The following ADGB variants were observed in gnomAD, a reference collection of about 807,000 sequenced individuals.
The protein encoded by ADGB is calpain-7-like protein.
A neutral mutation model predicts 210.5 loss-of-function variants in ADGB; 172 were observed. The observed-to-expected ratio is 0.82, with a 90% CI of 0.72 to 0.93. The LOEUF (loss-of-function observed/expected upper bound fraction) is 0.93. Ranked by LOEUF, ADGB falls within the 40% of genes least tolerant of loss-of-function variation. The pLI is 0.00. For synonymous variants in ADGB, 658 were observed against 662.7 expected (o/e 0.99, Z 0.11); for missense variants, 2,025 against 1,964.8 (o/e 1.03, Z -0.58).
chr6:146,651,697 T>A lies in ADGB; in HGVS notation c.331-2438T>A, dbSNP rs553699482. Reference sequence around the variant, plus strand: ...TCATAACTCCACTTAAGCAGGAGAATTCTGCAGCTGGGTCTCTATGCCTGG... The same window carrying A: ...TCATAACTCCACTTAAGCAGGAGAAATCTGCAGCTGGGTCTCTATGCCTGG... On this transcript the variant is annotated intron_variant, in intron 3 of 35. Coordinates refer to ENST00000397944, the MANE Select transcript of ADGB (RefSeq NM_024694.4). Among the ~76,000 whole-genome samples the A allele has an allele frequency of 1.8e-4, 28 of 152,238 alleles. 1 individual carries two copies. The South Asian group carries it at 5.4e-3, about 29-fold the overall frequency.
intron 25 of ADGB, among the ~76,000 whole-genome samples, chr6:146,742,980 A>G (rs955821683): frequency 1.3e-5 from 2 of 152,112 alleles, no homozygotes; most frequent in African/African-American, 2.4e-5. Context: ...GAAGCCAAAT[A>G]TTGGAAACCC....
At chr6:146,707,606 T>C (rs1314954167) in intron 13 of ADGB, among the ~76,000 whole-genome samples, 1 of 152,138 alleles carries the variant, frequency 6.6e-6, no homozygotes, top group Non-Finnish European at 1.5e-5. Context: ...GTCTCTTTTT[T>C]ACCGTTTTTG....
At chr6:146,620,861 G>T (rs529506424) in intron 1 of ADGB, among the ~76,000 whole-genome samples, 1 of 151,928 alleles carries the variant, frequency 6.6e-6, no homozygotes, top group Non-Finnish European at 1.5e-5. Flanking sequence ...CTGAGTTTTC[G>T]CAACTCTTAT....
intron 25 of ADGB, among the ~76,000 whole-genome samples, chr6:146,743,198 AGAT>A (rs1777183585): frequency 6.6e-6 from 1 of 152,236 alleles, no homozygotes; most frequent in African/African-American, 2.4e-5. Context: ...AAGAGGAAGA[AGAT>A]GATTTAATTT....
At chr6:146,789,103 AC>A (rs1218625888) in intron 33 of ADGB, among the ~76,000 whole-genome samples, 3 of 152,196 alleles carry the variant, frequency 2.0e-5, no homozygotes, top group Admixed American at 6.5e-5. Flanking sequence ...ACTAAACTGA[AC>A]TAAAACCCTG....
At chr6:146,681,017 C>G (rs1417587) in intron 9 of ADGB, among the ~76,000 whole-genome samples, 61,309 of 151,986 alleles carry the variant, frequency 0.4, 14,090 homozygotes, top group East Asian at 0.6. Context: ...ACAAGCTGTA[C>G]TGTTTATCAC....
At chr6:146,662,765 A>G (rs1247431347) in intron 5 of ADGB, among the ~76,000 whole-genome samples, 1 of 151,582 alleles carries the variant, frequency 6.6e-6, no homozygotes, top group Non-Finnish European at 1.5e-5. Context: ...CAAGTAGTCA[A>G]CGTGTTTAGA....
intron 7 of ADGB, among the ~76,000 whole-genome samples, chr6:146,668,726 G>A (rs934411911): frequency 2.0e-5 from 3 of 152,084 alleles, no homozygotes; most frequent in Non-Finnish European, 4.4e-5. Flanking sequence ...AATTCTACCA[G>A]AGGATGGTAA....
chr6:146,795,548 A>T (rs142038663), intron 33 of ADGB, among the ~76,000 whole-genome samples: 1 of 152,210 alleles, frequency 6.6e-6, no homozygotes, highest in South Asian at 2.1e-4. Flanking sequence ...AGCACATGAA[A>T]AAAAGCTCAA....
At position 146,691,110 on chromosome 6, in the gene ADGB, T is replaced by C. The variant is rs1327296468; in HGVS notation, c.1312-6T>C. The C allele has an allele frequency of 6.6e-7, 1 of 1,516,468 alleles. No homozygotes were observed. The highest frequency in any genetic ancestry group is 8.8e-7 in the Non-Finnish European group (1 of 1,133,082). The allele number at this position is 1,516,468 out of a possible 1,614,324, so 93.9% of individuals were successfully genotyped here. ...AATGCTTTTCAATTTACTTTCCATC[T>C]TCTAGGCAGATTCTGCTGAGAAACT... is the stretch of plus-strand genomic sequence containing the variant. On this transcript the variant is annotated splice_region_variant and splice_polypyrimidine_tract_variant and intron_variant, in intron 10 of 35. Coordinates refer to ENST00000397944, the MANE Select transcript of ADGB (RefSeq NM_024694.4).
intron 20 of ADGB, among the ~76,000 whole-genome samples, chr6:146,729,499 G>A (rs1275375184): frequency 2.0e-5 from 3 of 152,054 alleles, no homozygotes; most frequent in Non-Finnish European, 4.4e-5. Flanking sequence ...GCAGCAGCAT[G>A]ATCATAGGTC....
intron 11 of ADGB, among the ~76,000 whole-genome samples, chr6:146,692,268 T>C (rs1461208086): frequency 1.3e-5 from 2 of 152,146 alleles, no homozygotes; most frequent in African/African-American, 4.8e-5. Context: ...ATGCAAGTGC[T>C]GTGTCCTTTA....
chr6:146,678,233 A>G (rs1046769202), intron 9 of ADGB, among the ~76,000 whole-genome samples: 4 of 152,004 alleles, frequency 2.6e-5, no homozygotes, highest in East Asian at 1.9e-4. Flanking sequence ...TTGTTTGTTT[A>G]TTTGTTTATT....
chr6:146,632,500 C>G (rs1430309786), intron 1 of ADGB, among the ~76,000 whole-genome samples: 1 of 152,102 alleles, frequency 6.6e-6, no homozygotes, highest in Admixed American at 6.6e-5. Flanking sequence ...TTTCCAGGGA[C>G]TAAGATGTGT....
intron 17 of ADGB, among the ~76,000 whole-genome samples, 183 bp downstream of exon 17, chr6:146,721,688 A>T (rs574833919): frequency 3.4e-4 from 51 of 152,128 alleles, no homozygotes; most frequent in African/African-American, 1.2e-3. Flanking sequence ...AAATACCAAA[A>T]TTAGCCAGGC....
intron 1 of ADGB, 111 bp downstream of exon 1, chr6:146,599,225 C>T (rs1178649895): frequency 4.3e-6 from 4 of 939,930 alleles, no homozygotes; most frequent in Non-Finnish European, 6.7e-6. Flanking sequence ...AGTTTAGTGG[C>T]CTCCTCGCAG....
chr6:146,614,162 C>T (rs889586190), intron 1 of ADGB, among the ~76,000 whole-genome samples: 6 of 151,000 alleles, frequency 4.0e-5, no homozygotes, highest in African/African-American at 1.5e-4. Flanking sequence ...CCTTTTATCC[C>T]CAAACTTGTT....
In ADGB at chr6:146,814,094, G is replaced by GT. The variant is rs1778345085; in HGVS notation, c.4819-934dup. Among the ~76,000 whole-genome samples the GT allele has an allele frequency of 2.6e-5, 4 of 152,088 alleles. No homozygotes were observed. In the South Asian group the frequency reaches 8.3e-4, roughly 32 times the overall value. ...TTGTGCAATTGGTTTAGTCAATCCAGTTTTATTATGGTAGCTACAGTACTA... is the reference window on the plus strand; with the variant it reads ...TTGTGCAATTGGTTTAGTCAATCCAGTTTTTATTATGGTAGCTACAGTACTA... On this transcript the variant is annotated intron_variant, in intron 35 of 35. Coordinates refer to ENST00000397944, the MANE Select transcript of ADGB (RefSeq NM_024694.4).
At chr6:146,679,421 T>C (rs1429719171) in intron 9 of ADGB, among the ~76,000 whole-genome samples, 1 of 152,162 alleles carries the variant, frequency 6.6e-6, no homozygotes, top group Non-Finnish European at 1.5e-5. Context: ...TCCATTCACA[T>C]CTCTCATCTA....
Sources: allele counts gnomAD v4.1 joint callset (sites outside exome capture counted in the v4.1 genomes callset), GRCh38; gene constraint gnomAD v4.1.1; transcripts MANE v1.5; gene names NCBI Gene and HGNC (gene_info 2026-07-23, HGNC 2026-07-21).